ZNF273: variants seen among roughly 807,000 people sequenced by gnomAD.
The protein encoded by ZNF273 is zinc finger protein 9.
ZNF273 carries 11 observed loss-of-function variants against 14.9 expected under a neutral mutation model. The ratio of observed to expected loss-of-function variants is 0.74; its 90% CI spans 0.46 to 1.22. The LOEUF (loss-of-function observed/expected upper bound fraction) is 1.22. Among genes scored for constraint, ZNF273 ranks in the 50% most tolerant of loss-of-function variants. The pLI is 0.00. For missense variants in ZNF273, 577 were observed against 660.6 expected (o/e 0.87, Z 1.39); for synonymous variants, 199 against 223.9 (o/e 0.89, Z 0.99).
intron 1 of ZNF273, among the ~76,000 whole-genome samples, chr7:64,915,129 C>G (rs1032010055): frequency 2.9e-5 from 4 of 136,566 alleles, no homozygotes; most frequent in Non-Finnish European, 4.8e-5. Flanking sequence ...TATACCAGAG[C>G]CTACTCTACT....
chr7:64,890,893 A>T (rs1222365307), downstream of ZNF273, among the ~76,000 whole-genome samples: 1 of 152,182 alleles, frequency 6.6e-6, no homozygotes, highest in African/African-American at 2.4e-5. Flanking sequence ...CTCCATCTGG[A>T]GGTTGGACAA....
At chr7:64,894,551 C>G (rs1006956277), downstream of ZNF273, among the ~76,000 whole-genome samples, 1 of 151,062 alleles carries the variant, frequency 6.6e-6, no homozygotes, top group Non-Finnish European at 1.5e-5. Flanking sequence ...TAAAAAATGT[C>G]TCCACAAATT....
chr7:64,931,781 T>C (rs1272972678), downstream of ZNF273, among the ~76,000 whole-genome samples: 2 of 152,102 alleles, frequency 1.3e-5, no homozygotes, highest in Non-Finnish European at 2.9e-5. Flanking sequence ...GACATAAATA[T>C]TCCTGTTGAA....
chr7:64,928,237 A>G lies in ZNF273; in HGVS notation c.909A>G (p.Ser303=), dbSNP rs1448388802. The change falls in exon 4 of 4, where the codon TCA becomes TCG. Residue 303 remains serine, a synonymous_variant. Transcript: ENST00000476120. ...GTGGCAAAGTCTTTAGTGTATTTTC[A>G]GTCCTTACTAAACATAAGATAATTC... ...EDCGKVFSVF[S]VLTKHKIIHT... is the part of the protein sequence containing the mutation. The G allele has an allele frequency of 1.9e-6, 3 of 1,613,064 alleles. No homozygotes were observed. In the East Asian group the frequency reaches 6.7e-5, roughly 36 times the overall value.
chr7:64,936,322 A>G, the ZNF273 span, among the ~76,000 whole-genome samples: 1 of 152,196 alleles, frequency 6.6e-6, no homozygotes, highest in Non-Finnish European at 1.5e-5. Context: ...ATCACAGCCC[A>G]ATTAAATTAA....
downstream of ZNF273, chr7:64,889,617 A>G: frequency 1.0e-6 from 1 of 985,932 alleles, no homozygotes; most frequent in Non-Finnish European, 1.2e-6. The surrounding 1 kb of genome is among the most constrained non-coding windows in gnomAD (Gnocchi z 4.2). Flanking sequence ...GCTGTTGGAA[A>G]GCAGCGGGGC....
downstream of ZNF273, among the ~76,000 whole-genome samples, chr7:64,933,003 C>T (rs1403090236): frequency 6.6e-6 from 1 of 152,074 alleles, no homozygotes; most frequent in African/African-American, 2.4e-5. Context: ...TGCAGTCTCA[C>T]TCTTGTCACC....
chr7:64,887,078 G>A (rs776606481), intron 1 of ZNF273, among the ~76,000 whole-genome samples: 7 of 152,198 alleles, frequency 4.6e-5, no homozygotes, highest in Non-Finnish European at 8.8e-5. Context: ...GGACACTGGG[G>A]ACCCTATGGA....
chr7:64,888,172 C>T (rs533752324), intron 1 of ZNF273, among the ~76,000 whole-genome samples: 8 of 152,274 alleles, frequency 5.3e-5, no homozygotes, highest in African/African-American at 1.9e-4. Context: ...TGGGGAGCCC[C>T]CGGGGCCCTC....
chr7:64,896,231 A>G (rs1301219029), intron 3 of ZNF273, among the ~76,000 whole-genome samples: 1 of 152,140 alleles, frequency 6.6e-6, no homozygotes, highest in Non-Finnish European at 1.5e-5. Context: ...AGCAATTTCT[A>G]AAGCTCCAAA....
intron 1 of ZNF273, among the ~76,000 whole-genome samples, chr7:64,915,828 T>C (rs1019996829): frequency 1.3e-5 from 2 of 152,214 alleles, no homozygotes; most frequent in African/African-American, 4.8e-5. Context: ...CCATTAGCTC[T>C]ATGCAGAACA....
intron 3 of ZNF273, among the ~76,000 whole-genome samples, chr7:64,925,246 T>A (rs1794715977): frequency 6.7e-6 from 1 of 149,236 alleles, no homozygotes; most frequent in African/African-American, 2.6e-5. Context: ...TGTATCTTTG[T>A]CTCTCATTTT....
intron 1 of ZNF273, among the ~76,000 whole-genome samples, chr7:64,910,815 G>A (rs1485146414): frequency 6.8e-6 from 1 of 146,876 alleles, no homozygotes; most frequent in Non-Finnish European, 1.5e-5. Context: ...GCCCAGGCTG[G>A]AGTGCAATGG....
At chr7:64,894,908 T>G (rs917003929) in intron 3 of ZNF273, among the ~76,000 whole-genome samples, 1 of 151,608 alleles carries the variant, frequency 6.6e-6, no homozygotes, top group Non-Finnish European at 1.5e-5. Flanking sequence ...GGCAGATGGA[T>G]CACGAGGTCA....
chr7:64,935,503 C>T (rs372866864), downstream of ZNF273, among the ~76,000 whole-genome samples: 178 of 152,022 alleles, frequency 1.2e-3, 1 homozygote, highest in African/African-American at 4.0e-3. Context: ...ATTTTGCCAG[C>T]GCTTATTCTC....
chr7:64,900,650 G>A (rs139114436), upstream of ZNF273, among the ~76,000 whole-genome samples: 161 of 152,202 alleles, frequency 1.1e-3, no homozygotes, highest in Middle Eastern at 3.4e-3. Flanking sequence ...GAATCCATCT[G>A]CATAATAAAA....
rs984717588 is a variant in ZNF273, at chr7:64,917,501, C to T, written c.103-80C>T. The T allele has an allele frequency of 8.4e-6, 13 of 1,540,858 alleles. No homozygotes were observed. In the African/African-American group the frequency reaches 1.5e-4, roughly 18 times the overall value. ...AGTAAAAACCAGTTCTCTTTACTTT[C>T]GCATTCCACCTTGAGTCAAATTAAA... On this transcript the variant is annotated intron_variant, in intron 1 of 3. Transcript: ENST00000476120.
intron 1 of ZNF273, among the ~76,000 whole-genome samples, chr7:64,912,871 C>T (rs768164712): frequency 5.2e-5 from 3 of 57,628 alleles, no homozygotes; most frequent in Non-Finnish European, 1.1e-4. Flanking sequence ...CTCTGTCATC[C>T]AGGCTGGAGT....
Position 64,928,241 on chromosome 7 carries a change from C to G in ZNF273, c.913C>G (p.Leu305Val), listed in dbSNP as rs1184749673. Residue 305 changes from leucine to valine, a missense_variant, in exon 4 of 4, where the codon CTT becomes GTT. Physicochemically the swap from Leu to Val is conservative, Grantham distance 32. Coordinates refer to ENST00000476120, the MANE Select transcript of ZNF273 (RefSeq NM_021148.3). ...CAAAGTCTTTAGTGTATTTTCAGTC[C>G]TTACTAAACATAAGATAATTCATAC... ...CGKVFSVFSVLTKHKIIHTGT... is the reference protein window; with the variant it reads ...CGKVFSVFSVVTKHKIIHTGT... The G allele has an allele frequency of 1.2e-6, 2 of 1,612,968 alleles. No homozygotes were observed. The highest frequency in any genetic ancestry group is 8.5e-7 in the Non-Finnish European group (1 of 1,179,630).
Sources: gnomAD v4.1 joint callset for allele counts (sites outside exome capture counted in the v4.1 genomes callset) on GRCh38, gnomAD v4.1.1 for gene constraint, Gnocchi (gnomAD v3.1) non-coding constraint, MANE v1.5 for transcripts, NCBI Gene and HGNC (gene_info 2026-07-23, HGNC 2026-07-21) for gene names.